Variants in MDGA2 observed in about 807,000 individuals in gnomAD.
MDGA2 encodes MAM domain containing glycosylphosphatidylinositol anchor 2.
In MDGA2, 40 loss-of-function variants were observed where a neutral mutation model predicts 117.8. The ratio of observed to expected loss-of-function variants is 0.34; its 90% CI spans 0.26 to 0.44. The LOEUF is 0.44. Ranked by LOEUF, MDGA2 falls within the 20% of genes least tolerant of loss-of-function variation. The probability of loss-of-function intolerance (pLI) is 1.00; values close to 1 mark genes in which losing one functional copy is unlikely to be tolerated. For missense variants in MDGA2, 1,123 were observed against 1,250.6 expected (o/e 0.90, Z 1.54); for synonymous variants, 452 against 439.0 (o/e 1.03, Z -0.37).
Position 47,437,697 on chromosome 14 carries a change from T to C in MDGA2, c.281-136147A>G, listed in dbSNP as rs1892925776. Among the ~76,000 whole-genome samples, 2 of 152,166 alleles carry C rather than the reference T, an allele frequency of 1.3e-5. 1 individual carries two copies. Among genetic ancestry groups the C allele is most frequent in the South Asian group, 4.1e-4 (2 of 4,832 alleles). ...TCAGGGAACTGGGGCCATCTCCTAA[T>C]TTAAGAATATGATCAGAATTTCATC... On this transcript the variant is annotated intron_variant, in intron 1 of 16. Coordinates refer to ENST00000399232, the MANE Select transcript of MDGA2 (RefSeq NM_001113498.3).
Position 47,349,844 on chromosome 14 carries a change from T to C in MDGA2, c.281-48294A>G, listed in dbSNP as rs369460476. On this transcript the variant is annotated intron_variant, in intron 1 of 16. Coordinates refer to ENST00000399232, the MANE Select transcript of MDGA2 (RefSeq NM_001113498.3). Reference sequence around the variant, plus strand: ...CATTCTTTTACCCCCAGAAGGTTGATCCTTAAAGTCATGCATTAACCTGGC... The same window carrying C: ...CATTCTTTTACCCCCAGAAGGTTGACCCTTAAAGTCATGCATTAACCTGGC... Among the ~76,000 whole-genome samples the C allele has an allele frequency of 3.3e-5, 5 of 152,196 alleles. No individual in the cohort carries two copies. The East Asian group carries it at 7.7e-4, about 24-fold the overall frequency.
At chr14:47,537,574 TAAAAAAAAAAAAAAAAAAAAAAA>T (rs58060138) in intron 1 of MDGA2, among the ~76,000 whole-genome samples, 7 of 36,610 alleles carry the variant, frequency 1.9e-4, no homozygotes, top group African/African-American at 3.3e-4. Context: ...TTCTCTCTGT[TAAAAAAAAAAAAAAAAAAAAAAA>T]AAAAAAAAAA....
intron 2 of MDGA2, among the ~76,000 whole-genome samples, chr14:47,258,105 T>C (rs990969277): frequency 6.6e-5 from 10 of 152,176 alleles, no homozygotes; most frequent in Admixed American, 5.9e-4. Context: ...TCTCCTTGAA[T>C]CATTTTCCAT....
At chr14:47,394,439 C>T (rs974064645) in intron 1 of MDGA2, among the ~76,000 whole-genome samples, 1 of 152,096 alleles carries the variant, frequency 6.6e-6, no homozygotes, top group Non-Finnish European at 1.5e-5. Flanking sequence ...AACTTAACCT[C>T]AACTGTGATA....
At chr14:47,049,858 G>A (rs1377790470) in intron 7 of MDGA2, among the ~76,000 whole-genome samples, 1 of 151,560 alleles carries the variant, frequency 6.6e-6, no homozygotes, top group East Asian at 1.9e-4. Flanking sequence ...TCATATACTT[G>A]GAGAGGATTC....
intron 1 of MDGA2, among the ~76,000 whole-genome samples, chr14:47,587,748 T>G (rs1896352288): frequency 6.6e-6 from 1 of 151,966 alleles, no homozygotes; most frequent in Non-Finnish European, 1.5e-5. Context: ...AACTTCACAA[T>G]TTTGTGTACA....
intron 2 of MDGA2, among the ~76,000 whole-genome samples, chr14:47,280,363 G>C (rs1322503016): frequency 7.6e-6 from 1 of 131,624 alleles, no homozygotes; most frequent in African/African-American, 2.9e-5. Flanking sequence ...GTCAGACATC[G>C]ATCTATCTCA....
intron 2 of MDGA2, among the ~76,000 whole-genome samples, chr14:47,244,567 T>C (rs989145821): frequency 6.6e-6 from 1 of 151,826 alleles, no homozygotes; most frequent in Non-Finnish European, 1.5e-5. Flanking sequence ...CAAAATTAAT[T>C]TTGCTTATAT....
chr14:47,452,712 G>C (rs1233988631), intron 1 of MDGA2, among the ~76,000 whole-genome samples: 2 of 151,972 alleles, frequency 1.3e-5, no homozygotes, highest in African/African-American at 2.4e-5. Context: ...ACATTTCCCA[G>C]TCCCATTGCA....
chr14:46,857,055 C>T (rs1566493222), intron 14 of MDGA2, among the ~76,000 whole-genome samples: 5 of 152,206 alleles, frequency 3.3e-5, no homozygotes. Context: ...ATTCATTTAT[C>T]TGCCCCATTT....
At chr14:47,586,410 G>C (rs1896325903) in intron 1 of MDGA2, among the ~76,000 whole-genome samples, 1 of 151,738 alleles carries the variant, frequency 6.6e-6, no homozygotes, top group South Asian at 2.1e-4. Flanking sequence ...CAAAATACTG[G>C]GATTTGAGTA....
At chr14:47,378,675 T>TA (rs1049054876) in intron 1 of MDGA2, among the ~76,000 whole-genome samples, 6 of 151,852 alleles carry the variant, frequency 4.0e-5, no homozygotes, top group Admixed American at 6.6e-5. Context: ...GAAAAAAGAC[T>TA]AAAAAAAATT....
chr14:47,627,696 G>C (rs2138213976), intron 1 of MDGA2, among the ~76,000 whole-genome samples: 1 of 152,256 alleles, frequency 6.6e-6, no homozygotes, highest in African/African-American at 2.4e-5. Flanking sequence ...GAGAATAAAA[G>C]CAGTCTGCCC....
At chr14:47,051,877 T>A (rs1889470318) in intron 7 of MDGA2, among the ~76,000 whole-genome samples, 1 of 151,888 alleles carries the variant, frequency 6.6e-6, no homozygotes, top group Non-Finnish European at 1.5e-5. Flanking sequence ...AAATCTGAAG[T>A]GTGATCATAA....
intron 1 of MDGA2, among the ~76,000 whole-genome samples, chr14:47,619,615 G>A (rs1300776567): frequency 2.0e-5 from 3 of 152,124 alleles, no homozygotes; most frequent in Non-Finnish European, 4.4e-5. Flanking sequence ...AGCCTTAAGG[G>A]CTTTCAAGGG....
chr14:47,528,941 T>C (rs1895032237), intron 1 of MDGA2, among the ~76,000 whole-genome samples: 1 of 152,006 alleles, frequency 6.6e-6, no homozygotes, highest in South Asian at 2.1e-4. Context: ...CAGAAAACTT[T>C]CTAGGAAAGG....
chr14:47,085,255 T>A (rs1258585719), intron 6 of MDGA2, among the ~76,000 whole-genome samples: 1 of 151,918 alleles, frequency 6.6e-6, no homozygotes, highest in East Asian at 1.9e-4. Context: ...ATTAGAAAAA[T>A]AATTAGCATT....
At chr14:47,429,758 C>T (rs374842863) in intron 1 of MDGA2, among the ~76,000 whole-genome samples, 160 of 151,462 alleles carry the variant, frequency 1.1e-3, no homozygotes, top group African/African-American at 2.6e-3. Context: ...GAGGACAAAT[C>T]GGTGAAAAAG....
At chr14:47,181,845 C>T (rs1027637022) in intron 3 of MDGA2, among the ~76,000 whole-genome samples, 3 of 152,062 alleles carry the variant, frequency 2.0e-5, no homozygotes, top group Non-Finnish European at 4.4e-5. Flanking sequence ...ATTAAAAAGG[C>T]TATGTCCTAA....
Sources: allele counts gnomAD v4.1 joint callset (sites outside exome capture counted in the v4.1 genomes callset), GRCh38; gene constraint gnomAD v4.1.1; transcripts MANE v1.5; gene names NCBI Gene and HGNC (gene_info 2026-07-23, HGNC 2026-07-21).